The following ROBO2 variants were observed in gnomAD, a reference collection of about 807,000 sequenced individuals.
ROBO2 encodes roundabout guidance receptor 2.
A neutral mutation model predicts 160.8 loss-of-function variants in ROBO2; 53 were observed. That is an observed-to-expected ratio of 0.33 (90% confidence interval 0.26 to 0.41). ROBO2 has a LOEUF of 0.41. Among genes scored for constraint, ROBO2 ranks in the 10% least tolerant of loss-of-function variants. The pLI is 1.00. For missense variants in ROBO2, 1,577 were observed against 1,722.4 expected (o/e 0.92, Z 1.49); for synonymous variants, 664 against 611.7 (o/e 1.09, Z -1.26).
intron 22 of ROBO2, among the ~76,000 whole-genome samples, chr3:77,620,084 C>T (rs868446657): frequency 6.6e-6 from 1 of 152,148 alleles, no homozygotes. Flanking sequence ...GCTGCAAATA[C>T]CCATAGAGGA....
chr3:77,450,059 A>G (rs564537850), intron 2 of ROBO2, among the ~76,000 whole-genome samples: 4 of 152,182 alleles, frequency 2.6e-5, no homozygotes, highest in East Asian at 3.9e-4. Flanking sequence ...AAGTAATAAC[A>G]TGTGTGCCAG....
At chr3:76,487,155 T>TC (rs1394438904) in intron 2 of ROBO2, among the ~76,000 whole-genome samples, 1 of 151,722 alleles carries the variant, frequency 6.6e-6, no homozygotes, top group Non-Finnish European at 1.5e-5. Context: ...TTTAATTTTT[T>TC]TTTTTTGTAG....
At chr3:76,603,343 A>AT (rs1393508482) in intron 2 of ROBO2, among the ~76,000 whole-genome samples, 1,172 of 73,944 alleles carry the variant, frequency 0.016, 2 homozygotes, top group Non-Finnish European at 0.021. Context: ...AAAAAAAAAA[A>AT]AAAAAAAAAT....
At chr3:77,421,952 T>A (rs1301598703) in intron 2 of ROBO2, among the ~76,000 whole-genome samples, 1 of 152,202 alleles carries the variant, frequency 6.6e-6, no homozygotes, top group African/African-American at 2.4e-5. Flanking sequence ...TCCTCTAATT[T>A]AGAGTTCCTC....
chr3:77,539,129 A>G (rs952308458), intron 6 of ROBO2, among the ~76,000 whole-genome samples: 1 of 152,164 alleles, frequency 6.6e-6, no homozygotes, highest in Admixed American at 6.5e-5. Context: ...CATGTTGCCC[A>G]GGCTGATCTC....
chr3:76,839,135 A>G (rs571390435), intron 2 of ROBO2, among the ~76,000 whole-genome samples: 2 of 152,276 alleles, frequency 1.3e-5, no homozygotes, highest in Admixed American at 1.3e-4. Context: ...TAGTCACTCA[A>G]ATTATTACTT....
At chr3:77,547,607 A>C (rs1224092439) in intron 7 of ROBO2, among the ~76,000 whole-genome samples, 1 of 152,102 alleles carries the variant, frequency 6.6e-6, no homozygotes, top group Non-Finnish European at 1.5e-5. Context: ...GTGGGTTTCT[A>C]TAAATTCCTG....
intron 24 of ROBO2, among the ~76,000 whole-genome samples, chr3:77,636,215 A>T (rs1197023366): frequency 6.6e-6 from 1 of 152,154 alleles, no homozygotes; most frequent in Non-Finnish European, 1.5e-5. Flanking sequence ...TAAAGTCTAG[A>T]TAGTAAATAT....
chr3:76,946,616 T>G (rs2078561598), intron 2 of ROBO2, among the ~76,000 whole-genome samples: 1 of 152,094 alleles, frequency 6.6e-6, no homozygotes, highest in African/African-American at 2.4e-5. Context: ...TTTTGTATTT[T>G]TAGTAGGGAT....
At chr3:76,228,623 C>A (rs1704436033) in intron 2 of ROBO2, among the ~76,000 whole-genome samples, 1 of 151,982 alleles carries the variant, frequency 6.6e-6, no homozygotes, top group East Asian at 1.9e-4. Flanking sequence ...TCAGAATTTT[C>A]ATTTGCCCTT....
intron 2 of ROBO2, among the ~76,000 whole-genome samples, chr3:77,180,388 TTCTCTC>T (rs369947015): frequency 0.063 from 6,274 of 99,496 alleles, 341 homozygotes; most frequent in Admixed American, 0.1. Flanking sequence ...ACCTTTTGAA[TTCTCTC>T]TCTCTCTCTC....
At chr3:77,205,817 A>G (rs1248938188) in intron 2 of ROBO2, among the ~76,000 whole-genome samples, 7 of 152,230 alleles carry the variant, frequency 4.6e-5, no homozygotes, top group Non-Finnish European at 8.8e-5. Context: ...ATTGAAATAT[A>G]TAGAAAGGTT....
intron 2 of ROBO2, among the ~76,000 whole-genome samples, chr3:76,939,539 C>A (rs1363399185): frequency 6.6e-6 from 1 of 151,994 alleles, no homozygotes; most frequent in Non-Finnish European, 1.5e-5. Flanking sequence ...ACCTGTAATC[C>A]CAGCACTTTG....
chr3:75,914,707 CGTAA>C (rs1180129626), intron 1 of ROBO2, among the ~76,000 whole-genome samples: 2 of 152,050 alleles, frequency 1.3e-5, no homozygotes, highest in East Asian at 1.9e-4. Flanking sequence ...TCTACGGATG[CGTAA>C]GTAACTCTTA....
chr3:76,655,513 T>A (rs933458293), intron 2 of ROBO2, among the ~76,000 whole-genome samples: 3 of 134,310 alleles, frequency 2.2e-5, no homozygotes, highest in Non-Finnish European at 4.7e-5. Flanking sequence ...GTATTAGTTA[T>A]CTTTGTTGCA....
rs143453035 is a variant in ROBO2 at position 77,403,526 on chromosome 3, A to G, written c.389-73888A>G. 2.7e-3 allele frequency among the ~76,000 whole-genome samples: 415 copies of G among 151,286 alleles called. 1 individual carries two copies. Among genetic ancestry groups the G allele is most frequent in the African/African-American group, 9.4e-3 (388 of 41,190 alleles). The stretch of plus-strand genomic sequence containing the variant: ...GGTCTCCAGATTCATCCATGCTGCC[A>G]TGAATGACAGGATGCCCTTGTTTTT... On this transcript the variant is annotated intron_variant, in intron 2 of 25. Transcript: ENST00000461745.
intron 2 of ROBO2, among the ~76,000 whole-genome samples, chr3:76,359,771 T>C (rs901776474): frequency 6.6e-6 from 1 of 152,118 alleles, no homozygotes; most frequent in Non-Finnish European, 1.5e-5. Flanking sequence ...GGTAGCTATC[T>C]CTTTCCTTTA....
At chr3:77,123,860 CATAGAT>C (rs201612306) in intron 2 of ROBO2, among the ~76,000 whole-genome samples, 14 of 147,626 alleles carry the variant, frequency 9.5e-5, no homozygotes, top group South Asian at 2.1e-4. Flanking sequence ...TATATAGATA[CATAGAT>C]ACATATATAG....
chr3:76,790,756 A>G (rs1342247639), intron 2 of ROBO2, among the ~76,000 whole-genome samples: 2 of 151,796 alleles, frequency 1.3e-5, no homozygotes, highest in African/African-American at 4.8e-5. Flanking sequence ...AAAAATGTTT[A>G]TTACTAAATT....
Sources: allele counts gnomAD v4.1 joint callset (sites outside exome capture counted in the v4.1 genomes callset), GRCh38; gene constraint gnomAD v4.1.1; transcripts MANE v1.5; gene names NCBI Gene and HGNC (gene_info 2026-07-23, HGNC 2026-07-21).